The following LPIN2 variants were observed in gnomAD, a reference collection of about 807,000 sequenced individuals.
LPIN2 encodes phosphatidate phosphatase LPIN2.
A neutral mutation model predicts 111.4 loss-of-function variants in LPIN2; 55 were observed. That is an observed-to-expected ratio of 0.49 (90% confidence interval 0.40 to 0.62). The LOEUF (loss-of-function observed/expected upper bound fraction) is 0.62, where lower values mean the gene tolerates loss of function less well. LPIN2 is among the 20% of genes least tolerant of loss of function. The pLI, the probability that LPIN2 is intolerant of heterozygous loss-of-function variation, is 0.00. For synonymous variants in LPIN2, 425 were observed against 414.0 expected (o/e 1.03, Z -0.32); for missense variants, 992 against 1,112.1 (o/e 0.89, Z 1.54).
Position 3,000,659 on chromosome 18 carries a change from T to C in LPIN2, c.-10+12428A>G, listed in dbSNP as rs373587413. ...CCTGTGGGGAGAGGCCTCACCAGGA[T>C]TGATAAATACCCACTACAGTCTCTG... is the stretch of plus-strand genomic sequence containing the variant. On this transcript the variant is annotated intron_variant, in intron 1 of 19. Coordinates refer to ENST00000677752, the MANE Select transcript of LPIN2 (RefSeq NM_001375808.2). Among the ~76,000 whole-genome samples the C allele has an allele frequency of 9.9e-5, 15 of 152,266 alleles. 1 individual carries two copies. The South Asian group carries it at 2.1e-3, about 21-fold the overall frequency.
intron 1 of LPIN2, among the ~76,000 whole-genome samples, chr18:3,009,086 G>A (rs1023912590): frequency 4.6e-5 from 7 of 152,042 alleles, no homozygotes; most frequent in African/African-American, 1.7e-4. Flanking sequence ...GCGCAACACA[G>A]GGAGACTTCT....
intron 1 of LPIN2, among the ~76,000 whole-genome samples, chr18:3,004,233 C>G (rs2078477263): frequency 6.6e-6 from 1 of 152,138 alleles, no homozygotes; most frequent in African/African-American, 2.4e-5. Context: ...TCTTATTGCC[C>G]TTTGAAGCAT....
At chr18:2,930,068 T>A (rs2077192251) in intron 9 of LPIN2, among the ~76,000 whole-genome samples, 1 of 152,212 alleles carries the variant, frequency 6.6e-6, no homozygotes, top group Non-Finnish European at 1.5e-5. Flanking sequence ...TGAATTTTTG[T>A]ACCCTGTTCC....
intron 1 of LPIN2, among the ~76,000 whole-genome samples, chr18:2,995,044 C>A (rs995537856): frequency 1.3e-5 from 2 of 152,140 alleles, no homozygotes; most frequent in South Asian, 2.1e-4. Context: ...GCTTCACAGG[C>A]CCCCTTCATA....
intron 7 of LPIN2, among the ~76,000 whole-genome samples, chr18:2,936,746 A>C (rs1198649489): frequency 1.3e-5 from 2 of 152,096 alleles, no homozygotes; most frequent in African/African-American, 4.8e-5. Context: ...TGCCAGGCTC[A>C]GTTTTTTATG....
intron 1 of LPIN2, among the ~76,000 whole-genome samples, chr18:2,975,980 A>C (rs1166090196): frequency 1.3e-5 from 2 of 152,090 alleles, no homozygotes; most frequent in Non-Finnish European, 2.9e-5. Context: ...CTATTTACAC[A>C]CTGACCTAGA....
At chr18:2,997,835 C>T (rs907244470) in intron 1 of LPIN2, among the ~76,000 whole-genome samples, 29 of 152,220 alleles carry the variant, frequency 1.9e-4, no homozygotes, top group Non-Finnish European at 5.9e-5. Flanking sequence ...TTTTAGCTCT[C>T]AAGGATGCAG....
At chr18:2,955,645 G>A (rs1325649286) in intron 2 of LPIN2, among the ~76,000 whole-genome samples, 1 of 152,180 alleles carries the variant, frequency 6.6e-6, no homozygotes, top group Non-Finnish European at 1.5e-5. Flanking sequence ...GCCGGGTGCA[G>A]TGGCTCATGC....
At chr18:2,970,693 C>A (rs1287898783) in intron 1 of LPIN2, among the ~76,000 whole-genome samples, 1 of 152,240 alleles carries the variant, frequency 6.6e-6, no homozygotes, top group Admixed American at 6.5e-5. Context: ...ATGCTTCAAA[C>A]ATAACCCAGA....
chr18:2,988,664 G>C (rs530732265), intron 1 of LPIN2, among the ~76,000 whole-genome samples: 2 of 152,286 alleles, frequency 1.3e-5, no homozygotes, highest in African/African-American at 4.8e-5. Flanking sequence ...AGTCAGCTTT[G>C]CTACTCTTTC....
intron 2 of LPIN2, among the ~76,000 whole-genome samples, chr18:2,954,988 T>C (rs886580073): frequency 3.3e-5 from 5 of 152,198 alleles, no homozygotes; most frequent in African/African-American, 1.2e-4. Flanking sequence ...GTATGTGAGC[T>C]GTGAGCAACT....
At chr18:3,003,373 G>T (rs562223956) in intron 1 of LPIN2, among the ~76,000 whole-genome samples, 1 of 152,320 alleles carries the variant, frequency 6.6e-6, no homozygotes, top group South Asian at 2.1e-4. Flanking sequence ...ATACTCACTT[G>T]TATTAGGGGT....
chr18:2,927,939 TC>T, intron 11 of LPIN2, 128 bp from the exon 12 acceptor site: 2 of 794,058 alleles, frequency 2.5e-6, no homozygotes, highest in Non-Finnish European at 4.5e-6. Flanking sequence ...TCTTCACACC[TC>T]CCAGATTCCT....
intron 3 of LPIN2, among the ~76,000 whole-genome samples, chr18:2,952,722 T>G (rs2077555298): frequency 6.6e-6 from 1 of 152,228 alleles, no homozygotes; most frequent in Non-Finnish European, 1.5e-5. Flanking sequence ...TTTATTTTAC[T>G]TACTGAAAGC....
At chr18:2,963,255 T>C (rs1311187800) in intron 1 of LPIN2, among the ~76,000 whole-genome samples, 1 of 152,190 alleles carries the variant, frequency 6.6e-6, no homozygotes, top group Non-Finnish European at 1.5e-5. Context: ...TCCTCACCGT[T>C]AGTTACGTCT....
intron 4 of LPIN2, among the ~76,000 whole-genome samples, chr18:2,947,451 A>G (rs529166154): frequency 6.6e-6 from 1 of 152,276 alleles, no homozygotes; most frequent in African/African-American, 2.4e-5. Flanking sequence ...AGGGAGGGAG[A>G]CTTACTAGGT....
chr18:2,921,342 G>C (rs1354648300), intron 18 of LPIN2, 191 bp downstream of exon 18: 1 of 638,274 alleles, frequency 1.6e-6, no homozygotes, highest in Non-Finnish European at 2.8e-6. Context: ...TTCTGGGGCA[G>C]ATCTGCACCT....
chr18:3,007,182 C>A (rs115409328), intron 1 of LPIN2, among the ~76,000 whole-genome samples: 3 of 151,676 alleles, frequency 2.0e-5, no homozygotes, highest in Non-Finnish European at 4.4e-5. Context: ...TTTTATTTAT[C>A]TTTTTTGAGA....
chr18:2,999,477 C>T (rs915284805), intron 1 of LPIN2, among the ~76,000 whole-genome samples: 6 of 151,996 alleles, frequency 3.9e-5, no homozygotes, highest in Admixed American at 6.6e-5. Flanking sequence ...CGGTTGCAGG[C>T]GCCTGTAGTC....
Sources: allele counts gnomAD v4.1 joint callset (sites outside exome capture counted in the v4.1 genomes callset), GRCh38; gene constraint gnomAD v4.1.1; transcripts MANE v1.5; gene names NCBI Gene and HGNC (gene_info 2026-07-23, HGNC 2026-07-21).